The following AP3M1 variants were observed in gnomAD, a reference collection of about 807,000 sequenced individuals.
AP3M1 encodes AP-3 complex subunit mu-1.
Under a neutral mutation model 42.6 loss-of-function variants are expected in AP3M1, and 29 were observed. The ratio of observed to expected loss-of-function variants is 0.68; its 90% CI spans 0.51 to 0.93. AP3M1 has a LOEUF of 0.93. Among genes scored for constraint, AP3M1 ranks in the 40% least tolerant of loss-of-function variants. AP3M1 has a pLI of 0.00. For synonymous variants in AP3M1, 178 were observed against 175.3 expected (o/e 1.02, Z -0.12); for missense variants, 416 against 510.2 (o/e 0.82, Z 1.78).
At position 74,137,539 on chromosome 10, in the gene AP3M1, A is replaced by C. The variant is rs568129897; in HGVS notation, c.273+568T>G. ...TGAAAATCTTGAGACCATTGAGAGAACTGTATGCGGAGGGCATTATTGTTT... is the reference window on the plus strand; with the variant it reads ...TGAAAATCTTGAGACCATTGAGAGACCTGTATGCGGAGGGCATTATTGTTT... On this transcript the variant is annotated intron_variant, in intron 2 of 8. Coordinates refer to ENST00000355264, the MANE Select transcript of AP3M1 (RefSeq NM_012095.6). 7.9e-5 allele frequency among the ~76,000 whole-genome samples: 12 copies of C among 152,304 alleles called. No homozygotes were observed. The East Asian group carries it at 2.1e-3, about 27-fold the overall frequency.
At chr10:74,144,272 A>AT (rs901792138) in intron 1 of AP3M1, among the ~76,000 whole-genome samples, 34 of 146,606 alleles carry the variant, frequency 2.3e-4, no homozygotes, top group South Asian at 6.5e-4. Context: ...TTTTATTTTT[A>AT]TTTTTTTTTT....
chr10:74,132,023 AT>A (rs1305089566), intron 4 of AP3M1, among the ~76,000 whole-genome samples: 3 of 151,738 alleles, frequency 2.0e-5, no homozygotes, highest in Admixed American at 1.3e-4. Flanking sequence ...GAAGGACTAG[AT>A]TTTTTTTCTT....
chr10:74,143,647 C>T (rs565364788), intron 1 of AP3M1, among the ~76,000 whole-genome samples: 1 of 152,278 alleles, frequency 6.6e-6, no homozygotes, highest in East Asian at 1.9e-4. Flanking sequence ...AATGCTACAC[C>T]ATAAATACTA....
intron 2 of AP3M1, among the ~76,000 whole-genome samples, chr10:74,137,422 T>C (rs1054349801): frequency 6.6e-6 from 1 of 152,220 alleles, no homozygotes; most frequent in Non-Finnish European, 1.5e-5. Flanking sequence ...TCACCCTGAT[T>C]ATCCCAAAAT....
intron 5 of AP3M1, 33 bp downstream of exon 5, chr10:74,129,874 C>T (rs767290136): frequency 7.0e-7 from 1 of 1,434,008 alleles, no homozygotes; most frequent in East Asian, 2.3e-5. Context: ...ATTAGGCATT[C>T]AAGGGGCTAT....
At chr10:74,139,429 C>A (rs1841057550) in intron 1 of AP3M1, among the ~76,000 whole-genome samples, 1 of 146,736 alleles carries the variant, frequency 6.8e-6, no homozygotes, top group South Asian at 2.2e-4. Flanking sequence ...GCCTATGCAA[C>A]ATAGTGAGAC....
At chr10:74,132,667 G>A (rs1191735943) in intron 4 of AP3M1, among the ~76,000 whole-genome samples, 2 of 151,682 alleles carry the variant, frequency 1.3e-5, no homozygotes, top group African/African-American at 2.4e-5. Flanking sequence ...AGCAGGGACT[G>A]CGCCAATGCA....
At chr10:74,126,497 C>A in intron 6 of AP3M1, 142 bp from the exon 7 acceptor site, 1 of 633,770 alleles carries the variant, frequency 1.6e-6, no homozygotes, top group Admixed American at 2.9e-5. Context: ...AGAGTTGGCT[C>A]TCTGTAGCCA....
At chr10:74,125,268 T>G (rs1173099896) in intron 7 of AP3M1, among the ~76,000 whole-genome samples, 2 of 152,254 alleles carry the variant, frequency 1.3e-5, no homozygotes, top group East Asian at 3.8e-4. Flanking sequence ...CGTAAGCCAC[T>G]GCGCCCAGCC....
rs148177038 is a variant in AP3M1, at chr10:74,123,729, C to A, written c.*81G>T. 2.2e-3 allele frequency: 2,290 copies of A among 1,033,430 alleles called. 6 individuals are homozygous for A. The highest frequency in any genetic ancestry group is 2.4e-3 in the Non-Finnish European group (1,546 of 656,298). The allele number at this position is 1,033,430 out of a possible 1,614,324, so 64.0% of individuals were successfully genotyped here. Reference sequence around the variant, plus strand: ...AAATGCTTTAACTAGAATATGTATTCCCACTCACTTGGTACCTAATAGTGA... The same window carrying A: ...AAATGCTTTAACTAGAATATGTATTACCACTCACTTGGTACCTAATAGTGA... On this transcript the variant is annotated 3_prime_UTR_variant, in exon 9 of 9. Coordinates refer to ENST00000355264, the MANE Select transcript of AP3M1 (RefSeq NM_012095.6).
At chr10:74,125,047 C>G (rs1840574238) in intron 7 of AP3M1, among the ~76,000 whole-genome samples, 1 of 152,010 alleles carries the variant, frequency 6.6e-6, no homozygotes, top group Non-Finnish European at 1.5e-5. Context: ...ATGGTGCAAT[C>G]TTGGCTCACC....
chr10:74,128,124 AGGAAAAG>A lies in AP3M1; in HGVS notation c.803+977_803+983del, dbSNP rs377680747. On this transcript the variant is annotated intron_variant, in intron 6 of 8. Transcript: ENST00000355264. ...TTAAAAAAAAAAAAAAAAAAAAAAA[AGGAAAAG>A]AAAAGAGCCGAGAAATAATTTCTCT... Among the ~76,000 whole-genome samples the A allele has an allele frequency of 3.5e-3, 485 of 137,542 alleles. 19 individuals are homozygous for A. The highest frequency in any genetic ancestry group is 0.012 in the African/African-American group (408 of 34,970). The allele number at this position is 137,542 out of a possible 152,430, so 90.2% of individuals were successfully genotyped here.
intron 7 of AP3M1, 80 bp downstream of exon 7, chr10:74,126,068 C>T (rs1278002252): frequency 6.8e-6 from 10 of 1,474,886 alleles, no homozygotes; most frequent in Middle Eastern, 1.7e-4. Context: ...AGGTGCCAAA[C>T]CTTTCCCTCC....
chr10:74,134,014 T>C lies in AP3M1; in HGVS notation c.583+13A>G. The C allele has an allele frequency of 6.2e-7, 1 of 1,613,288 alleles. No homozygotes were observed. The highest frequency in any genetic ancestry group is 8.5e-7 in the Non-Finnish European group (1 of 1,179,408). On this transcript the variant is annotated intron_variant, in intron 4 of 8. Coordinates refer to ENST00000355264, the MANE Select transcript of AP3M1 (RefSeq NM_012095.6). ...TTGTTTTTCCCCAAATAAGATGACA[T>C]GCACACAATTACCTGATTTATCTAT...
At chr10:74,142,162 G>A (rs557230336) in intron 1 of AP3M1, among the ~76,000 whole-genome samples, 1 of 152,234 alleles carries the variant, frequency 6.6e-6, no homozygotes, top group African/African-American at 2.4e-5. Context: ...TGCAATATGG[G>A]GGACAATGGA....
rs1840497846 is a variant in AP3M1, at chr10:74,122,522, T to C, written c.*1288A>G. ...GAAGAAGTTAAATAAAATGTCACAATGAAATTGAGTGCAATAATACAACTG... is the reference window on the plus strand; with the variant it reads ...GAAGAAGTTAAATAAAATGTCACAACGAAATTGAGTGCAATAATACAACTG... On this transcript the variant is annotated 3_prime_UTR_variant, in exon 9 of 9. Transcript: ENST00000355264. The C allele has an allele frequency of 6.6e-6, 1 of 152,078 alleles. No individual in the cohort carries two copies. Among genetic ancestry groups the C allele is most frequent in the Admixed American group, 6.5e-5 (1 of 15,274 alleles). 9.4% of individuals were successfully genotyped at this position (152,078 alleles called of 1,614,324 possible).
At chr10:74,148,932 G>A (rs1339732733) in intron 1 of AP3M1, among the ~76,000 whole-genome samples, 1 of 151,664 alleles carries the variant, frequency 6.6e-6, no homozygotes, top group Non-Finnish European at 1.5e-5. Context: ...GAGTGCAGTG[G>A]CGCAATCTCA....
intron 6 of AP3M1, among the ~76,000 whole-genome samples, chr10:74,128,264 G>A (rs1476163848): frequency 1.4e-5 from 2 of 147,128 alleles, no homozygotes; most frequent in Admixed American, 6.7e-5. Context: ...TTTTTGAGAT[G>A]GAGTTTTACC....
In AP3M1 at chr10:74,123,025, C is replaced by A. The variant is rs145833586; in HGVS notation, c.*785G>T. On this transcript the variant is annotated 3_prime_UTR_variant, in exon 9 of 9. Coordinates refer to ENST00000355264, the MANE Select transcript of AP3M1 (RefSeq NM_012095.6). ...TGTGCTTGCAGTAACTTCCTAAAAGCAGAAGTAATGTTCCCTTTTACTACC... is the reference window on the plus strand; with the variant it reads ...TGTGCTTGCAGTAACTTCCTAAAAGAAGAAGTAATGTTCCCTTTTACTACC... 6.5e-6 allele frequency: 1 copy of A among 152,724 alleles called. No individual in the cohort carries two copies. Among genetic ancestry groups the A allele is most frequent in the East Asian group, 1.9e-4 (1 of 5,184 alleles). The allele number at this position is 152,724 out of a possible 1,614,324, so 9.5% of individuals were successfully genotyped here.
Sources: gnomAD v4.1 joint callset for allele counts (sites outside exome capture counted in the v4.1 genomes callset) on GRCh38, gnomAD v4.1.1 for gene constraint, MANE v1.5 for transcripts, NCBI Gene and HGNC (gene_info 2026-07-23, HGNC 2026-07-21) for gene names.